The following SYNPR variants were observed in gnomAD, a reference collection of about 807,000 sequenced individuals.
SYNPR encodes the protein synaptoporin.
Under a neutral mutation model 32.9 loss-of-function variants are expected in SYNPR, and 23 were observed. That is an observed-to-expected ratio of 0.70 (90% CI 0.50 to 0.99). The LOEUF (loss-of-function observed/expected upper bound fraction) is 0.99. Among genes scored for constraint, SYNPR ranks in the 50% least tolerant of loss-of-function variants. The pLI is 0.00. For missense variants in SYNPR, 318 were observed against 349.3 expected, an observed-to-expected ratio of 0.91 and a Z score of 0.71; for synonymous variants, 146 against 135.9, an observed-to-expected ratio of 1.07 and a Z score of -0.52.
chr3:63,533,129 G>T (rs776764577), intron 3 of SYNPR, among the ~76,000 whole-genome samples: 76 of 152,118 alleles, frequency 5.0e-4, no homozygotes, highest in Non-Finnish European at 1.0e-3. Context: ...GTTCTTTAAG[G>T]AACAAGACTC....
intron 2 of SYNPR, among the ~76,000 whole-genome samples, chr3:63,367,671 T>C (rs1482642924): frequency 1.3e-5 from 2 of 152,178 alleles, no homozygotes; most frequent in Non-Finnish European, 2.9e-5. Flanking sequence ...TGAATTATAA[T>C]TTAAATAATT....
At position 63,293,999 on chromosome 3, in the gene SYNPR, G is replaced by A. The variant is rs576048763; in HGVS notation, c.84+15257G>A. ...CAAATGGGTTCCTAGAAGAGGCACT[G>A]TTTTGTCACCTGCTTTATTCTCCTT... On this transcript the variant is annotated intron_variant, in intron 2 of 5. Coordinates refer to ENST00000478300, the MANE Select transcript of SYNPR (RefSeq NM_001130003.2). Among the ~76,000 whole-genome samples the A allele has an allele frequency of 2.0e-5, 3 of 152,210 alleles. No individual in the cohort carries two copies. In the South Asian group the frequency reaches 6.2e-4, roughly 32 times the overall value.
chr3:63,226,874 C>T (rs1453492049), upstream of SYNPR, among the ~76,000 whole-genome samples: 1 of 152,150 alleles, frequency 6.6e-6, no homozygotes, highest in Non-Finnish European at 1.5e-5. Context: ...ATGTTACCAA[C>T]ATATAGAAAT....
chr3:63,417,427 TGCAGTACAA>T (rs1251141050), intron 2 of SYNPR, among the ~76,000 whole-genome samples: 8 of 152,184 alleles, frequency 5.3e-5, no homozygotes, highest in Admixed American at 5.2e-4. Flanking sequence ...TTTCCAGGCA[TGCAGTACAA>T]GCTGTCATTG....
At chr3:63,428,771 T>C (rs974302574) in intron 2 of SYNPR, among the ~76,000 whole-genome samples, 3 of 152,210 alleles carry the variant, frequency 2.0e-5, no homozygotes, top group African/African-American at 4.8e-5. Flanking sequence ...CCTAGGCTTA[T>C]TCCCATGATG....
chr3:63,540,161 C>A (rs1391616978), intron 3 of SYNPR, among the ~76,000 whole-genome samples: 1 of 152,130 alleles, frequency 6.6e-6, no homozygotes, highest in Non-Finnish European at 1.5e-5. Context: ...TTTTTACAGA[C>A]ACCTTATTAT....
At chr3:63,332,038 A>G (rs2087236538) in intron 2 of SYNPR, among the ~76,000 whole-genome samples, 1 of 152,218 alleles carries the variant, frequency 6.6e-6, no homozygotes, top group African/African-American at 2.4e-5. Flanking sequence ...CAATGCTTCC[A>G]TCTTTTCTGA....
At chr3:63,526,400 C>A (rs1461373043) in intron 3 of SYNPR, among the ~76,000 whole-genome samples, 1 of 152,162 alleles carries the variant, frequency 6.6e-6, no homozygotes, top group African/African-American at 2.4e-5. Context: ...CCTCTTACAG[C>A]ATAAGACCAA....
At chr3:63,203,060 ATG>A in the SYNPR span, among the ~76,000 whole-genome samples, 13 of 60,542 alleles carry the variant, frequency 2.1e-4, no homozygotes, top group African/African-American at 3.5e-4. Context: ...ACATATATAT[ATG>A]TATGTGTATA....
intron 2 of SYNPR, among the ~76,000 whole-genome samples, chr3:63,376,192 T>A (rs1296652157): frequency 6.6e-6 from 1 of 152,222 alleles, no homozygotes; most frequent in African/African-American, 2.4e-5. Flanking sequence ...TGCTACAATC[T>A]TCTAAGTCGT....
At chr3:63,334,638 T>G (rs4234675) in intron 2 of SYNPR, among the ~76,000 whole-genome samples, 105,577 of 151,716 alleles carry the variant, frequency 0.7, 39,368 homozygotes, top group Non-Finnish European at 0.83. Flanking sequence ...GCTGGCTGCC[T>G]GAAAAGGAAA....
chr3:63,424,937 C>G (rs1447295373), intron 2 of SYNPR, among the ~76,000 whole-genome samples: 5 of 152,092 alleles, frequency 3.3e-5, no homozygotes, highest in African/African-American at 7.2e-5. Flanking sequence ...AAAGTACAAC[C>G]CTTGTGTGTA....
intron 4 of SYNPR, among the ~76,000 whole-genome samples, chr3:63,585,325 T>C (rs1703164839): frequency 6.6e-6 from 1 of 151,936 alleles, no homozygotes; most frequent in African/African-American, 2.4e-5. Context: ...ACCAAGGAAA[T>C]ATATGATCAC....
At chr3:63,229,068 A>G (rs1043708777) in intron 1 of SYNPR, among the ~76,000 whole-genome samples, 1 of 152,202 alleles carries the variant, frequency 6.6e-6, no homozygotes. Flanking sequence ...ATCAAAAAGC[A>G]AGGTAGCATA....
chr3:63,448,377 A>T (rs552603644), intron 2 of SYNPR, among the ~76,000 whole-genome samples: 1 of 152,338 alleles, frequency 6.6e-6, no homozygotes, highest in South Asian at 2.1e-4. Context: ...GATATAACAA[A>T]TATTTTGGGC....
At chr3:63,369,398 G>A (rs1051609621) in intron 2 of SYNPR, among the ~76,000 whole-genome samples, 1 of 152,168 alleles carries the variant, frequency 6.6e-6, no homozygotes. Flanking sequence ...GGAAAGAGGA[G>A]CACCCAGTAT....
chr3:63,549,130 A>T (rs1274602909), intron 3 of SYNPR, among the ~76,000 whole-genome samples: 1 of 152,166 alleles, frequency 6.6e-6, no homozygotes, highest in African/African-American at 2.4e-5. Context: ...CCAGGACAAG[A>T]TTTGGAAATT....
intron 2 of SYNPR, among the ~76,000 whole-genome samples, chr3:63,399,093 T>C (rs2088256325): frequency 6.6e-6 from 1 of 152,180 alleles, no homozygotes; most frequent in Non-Finnish European, 1.5e-5. Flanking sequence ...AATGTTCTCA[T>C]GGTAGGAAAA....
chr3:63,221,597 G>A, the SYNPR span, among the ~76,000 whole-genome samples: 6 of 152,120 alleles, frequency 3.9e-5, no homozygotes, highest in African/African-American at 7.2e-5. Context: ...CTTAAGAAAA[G>A]TAGTACACAG....
Sources: allele counts gnomAD v4.1 joint callset (sites outside exome capture counted in the v4.1 genomes callset), GRCh38; gene constraint gnomAD v4.1.1; transcripts MANE v1.5; gene names NCBI Gene and HGNC (gene_info 2026-07-23, HGNC 2026-07-21).